ZNF583: variants seen among roughly 807,000 people sequenced by gnomAD.
ZNF583 encodes zinc finger protein L3-5.
In ZNF583, 30 loss-of-function variants were observed where a neutral mutation model predicts 55.3. The observed-to-expected ratio is 0.54, with a 90% CI of 0.41 to 0.74. ZNF583 has a LOEUF of 0.74. Among genes scored for constraint, ZNF583 ranks in the 30% least tolerant of loss-of-function variants. The probability of loss-of-function intolerance (pLI) is 0.00; values close to 1 mark genes in which losing one functional copy is unlikely to be tolerated. For missense variants in ZNF583, 504 were observed against 664.7 expected (o/e 0.76, Z 2.66); for synonymous variants, 208 against 220.0 (o/e 0.95, Z 0.48).
At chr19:56,415,575 T>C (rs2042307905) in intron 4 of ZNF583, among the ~76,000 whole-genome samples, 1 of 152,176 alleles carries the variant, frequency 6.6e-6, no homozygotes, top group Non-Finnish European at 1.5e-5. Context: ...TTGTCTTTGG[T>C]TAATATATAT....
chr19:56,406,158 C>T (rs2147545205), intron 1 of ZNF583, among the ~76,000 whole-genome samples: 1 of 152,272 alleles, frequency 6.6e-6, no homozygotes, highest in Non-Finnish European at 1.5e-5. Flanking sequence ...TAAGCCAGGA[C>T]CAGAAGTAGG....
chr19:56,420,815 G>A (rs758658651), intron 4 of ZNF583, among the ~76,000 whole-genome samples: 3 of 151,998 alleles, frequency 2.0e-5, no homozygotes, highest in Non-Finnish European at 4.4e-5. Flanking sequence ...GCATATAATT[G>A]TGTCTTTCAT....
At position 56,426,160 on chromosome 19, in the gene ZNF583, G is replaced by A. The variant is rs2042491025; in HGVS notation, c.*1792G>A. The stretch of plus-strand genomic sequence containing the variant: ...TTTTGTAAGGTTTTAACATGTATGT[G>A]TGAACATACATATTCATGCTGTTAC... On this transcript the variant is annotated 3_prime_UTR_variant, in exon 5 of 5. Coordinates refer to ENST00000333201, the MANE Select transcript of ZNF583 (RefSeq NM_152478.3). The A allele has an allele frequency of 6.6e-6, 1 of 152,170 alleles. No homozygotes were observed. Among genetic ancestry groups the A allele is most frequent in the Non-Finnish European group, 1.5e-5 (1 of 68,038 alleles). The allele number at this position is 152,170 out of a possible 1,614,324, so 9.4% of individuals were successfully genotyped here.
intron 2 of ZNF583, among the ~76,000 whole-genome samples, chr19:56,409,368 G>C (rs2147559196): frequency 1.3e-5 from 2 of 152,266 alleles, no homozygotes; most frequent in East Asian, 3.9e-4. Context: ...GAAAGAAAAA[G>C]CTGAAAGTAT....
chr19:56,408,171 T>TA lies in ZNF583; in HGVS notation c.9+1049dup, dbSNP rs2042183506. Among the ~76,000 whole-genome samples the TA allele has an allele frequency of 3.9e-5, 6 of 152,200 alleles. No homozygotes were observed. In the South Asian group the frequency reaches 1.2e-3, roughly 32 times the overall value. On this transcript the variant is annotated intron_variant, in intron 2 of 4. Coordinates refer to ENST00000333201, the MANE Select transcript of ZNF583 (RefSeq NM_152478.3). ...TCTAGTAAAAAAAATTCTCTGCACT[T>TA]AGAGAAAAATACATAGAGGTTAAAT...
chr19:56,424,235 G>A lies in ZNF583; in HGVS notation c.1577G>A (p.Arg526Lys). The part of the protein sequence containing the change: ...GERPYECKDC[R>K]KSFRQRAHLA... Reference sequence around the variant, plus strand: ...AGACCCTATGAATGTAAAGATTGCAGGAAATCTTTCAGGCAGCGTGCACAT... The same window carrying A: ...AGACCCTATGAATGTAAAGATTGCAAGAAATCTTTCAGGCAGCGTGCACAT... Residue 526 changes from arginine to lysine, a missense_variant, in exon 5 of 5, where the codon AGG becomes AAG. Around this residue, in one of 3 missense-constraint regions of ZNF583, gnomAD observed 63 missense variants for 56.5 expected, o/e 1.11. Transcript: ENST00000333201. The A allele has an allele frequency of 1.2e-6, 2 of 1,613,940 alleles. No homozygotes were observed. Among genetic ancestry groups the A allele is most frequent in the African/African-American group, 1.3e-5 (1 of 75,030 alleles).
chr19:56,416,326 A>G (rs1600368724), intron 4 of ZNF583, among the ~76,000 whole-genome samples: 1 of 139,574 alleles, frequency 7.2e-6, no homozygotes, highest in East Asian at 2.2e-4. Context: ...CTCCGTCTCA[A>G]AAAAAAAAAA....
chr19:56,407,145 C>T, intron 2 of ZNF583, 22 bp downstream of exon 2: 1 of 1,613,856 alleles, frequency 6.2e-7, no homozygotes, highest in East Asian at 2.2e-5. Context: ...TTTCTTCTCT[C>T]TTCCCTAAAA....
At chr19:56,422,759 T>C (rs1486495742) in intron 4 of ZNF583, 132 bp from the exon 5 acceptor site, 9 of 576,006 alleles carry the variant, frequency 1.6e-5, no homozygotes, top group East Asian at 3.1e-5. Context: ...TTATTTATAA[T>C]GTCATTATTT....
rs186425081 is a variant in ZNF583 at position 56,426,619 on chromosome 19, G to A, written c.*2251G>A. On this transcript the variant is annotated 3_prime_UTR_variant, in exon 5 of 5. Coordinates refer to ENST00000333201, the MANE Select transcript of ZNF583 (RefSeq NM_152478.3). ...GCTTTTCTCCAGCTCATAGTCAAAG[G>A]ATATGAAGAGGCAACAGGTGACCAA... is the stretch of plus-strand genomic sequence containing the variant. 6.6e-6 allele frequency: 1 copy of A among 152,076 alleles called. No homozygotes were observed. Among genetic ancestry groups the A allele is most frequent in the South Asian group, 2.1e-4 (1 of 4,822 alleles). 9.4% of individuals were successfully genotyped at this position (152,076 alleles called of 1,614,324 possible).
intron 4 of ZNF583, chr19:56,421,651 G>A: frequency 6.9e-6 from 2 of 288,010 alleles, no homozygotes; most frequent in Non-Finnish European, 1.0e-5. Context: ...ATTCTAATAA[G>A]AGGATGAATT....
chr19:56,406,698 G>T (rs967975482), intron 1 of ZNF583, among the ~76,000 whole-genome samples: 10 of 151,872 alleles, frequency 6.6e-5, no homozygotes, highest in African/African-American at 1.7e-4. Context: ...GGCTAATTTT[G>T]TGTATTTTTT....
chr19:56,422,469 C>G (rs962145778), intron 4 of ZNF583, among the ~76,000 whole-genome samples: 1 of 152,108 alleles, frequency 6.6e-6, no homozygotes, highest in Non-Finnish European at 1.5e-5. Flanking sequence ...TTACATGTAT[C>G]CTAATAAGGA....
rs1030631009 is a variant in ZNF583 at position 56,426,953 on chromosome 19, G to T, written c.*2585G>T. 1 of 115,738 alleles carries T rather than the reference G, an allele frequency of 8.6e-6. No homozygotes were observed. The highest frequency in any genetic ancestry group is 1.9e-5 in the Non-Finnish European group (1 of 53,264). 7.2% of individuals were successfully genotyped at this position (115,738 alleles called of 1,614,324 possible). On this transcript the variant is annotated 3_prime_UTR_variant, in exon 5 of 5. Transcript: ENST00000333201. Reference sequence around the variant, plus strand: ...AAATGATTCTTAAAAAAAAAAAAAAGGTGAGGCTTTTGAGTGGATGAAATA... The same window carrying T: ...AAATGATTCTTAAAAAAAAAAAAAATGTGAGGCTTTTGAGTGGATGAAATA...
intron 4 of ZNF583, among the ~76,000 whole-genome samples, chr19:56,416,851 C>T (rs1180083061): frequency 6.6e-6 from 1 of 151,988 alleles, no homozygotes; most frequent in Admixed American, 6.6e-5. Flanking sequence ...AATCAAGACA[C>T]ATTTAGTATT....
At chr19:56,406,729 G>A (rs559993819) in intron 1 of ZNF583, among the ~76,000 whole-genome samples, 3 of 151,966 alleles carry the variant, frequency 2.0e-5, no homozygotes, top group Non-Finnish European at 2.9e-5. Context: ...GGGTTTCCCC[G>A]TGTTAGCCAG....
In ZNF583 at chr19:56,404,334, G is replaced by A. The variant is rs2042109964; in HGVS notation, c.-208G>A. The A allele has an allele frequency of 6.6e-6, 1 of 151,848 alleles. No homozygotes were observed. The highest frequency in any genetic ancestry group is 2.4e-5 in the African/African-American group (1 of 40,902). The allele number at this position is 151,848 out of a possible 1,614,324, so 9.4% of individuals were successfully genotyped here. On this transcript the variant is annotated 5_prime_UTR_variant, in exon 1 of 5. Transcript: ENST00000333201. The surrounding 1 kb of genome is among the most constrained non-coding windows in gnomAD (Gnocchi z 5.2). Reference sequence around the variant, plus strand: ...CAGCGGCCCCTGCGGCCTGCCCTAGGGCTGCGGCGCCTTTGTGAGCGCGGC... The same window carrying A: ...CAGCGGCCCCTGCGGCCTGCCCTAGAGCTGCGGCGCCTTTGTGAGCGCGGC...
At chr19:56,408,738 G>A (rs1487055132) in intron 2 of ZNF583, among the ~76,000 whole-genome samples, 12 of 152,172 alleles carry the variant, frequency 7.9e-5, no homozygotes, top group Non-Finnish European at 1.8e-4. Context: ...ACTGTAGCGA[G>A]TCTGTGATGG....
At chr19:56,407,753 T>C (rs2042177373) in intron 2 of ZNF583, among the ~76,000 whole-genome samples, 1 of 152,114 alleles carries the variant, frequency 6.6e-6, no homozygotes, top group African/African-American at 2.4e-5. Flanking sequence ...TTAAGATTAG[T>C]GGAATTAATA....
Sources: allele counts gnomAD v4.1 joint callset (sites outside exome capture counted in the v4.1 genomes callset), GRCh38; gene constraint gnomAD v4.1.1; regional missense constraint gnomAD v4.1.1; non-coding constraint Gnocchi (gnomAD v3.1); transcripts MANE v1.5; gene names NCBI Gene and HGNC (gene_info 2026-07-23, HGNC 2026-07-21).